ATXN2: variants seen among roughly 807,000 people sequenced by gnomAD.
The protein encoded by ATXN2 is ataxin-2.
Under a neutral mutation model 138.6 loss-of-function variants are expected in ATXN2, and 37 were observed. The ratio of observed to expected loss-of-function variants is 0.27; its 90% CI spans 0.21 to 0.35. ATXN2 has a LOEUF of 0.35. Among genes scored for constraint, ATXN2 ranks in the 10% least tolerant of loss-of-function variants. The pLI is 1.00. For synonymous variants in ATXN2, 549 were observed against 543.7 expected, an observed-to-expected ratio of 1.01 and a Z score of -0.13; for missense variants, 1,216 against 1,480.3, an observed-to-expected ratio of 0.82 and a Z score of 2.93.
chr12:111,588,991 C>CAAAA (rs58116265), intron 1 of ATXN2, among the ~76,000 whole-genome samples: 5,941 of 38,716 alleles, frequency 0.15, 1,905 homozygotes, highest in Non-Finnish European at 0.26. Context: ...CGAGATTTCT[C>CAAAA]AAAAAAAAAA....
At chr12:111,588,566 G>C (rs1367144180) in intron 1 of ATXN2, among the ~76,000 whole-genome samples, 1 of 151,510 alleles carries the variant, frequency 6.6e-6, no homozygotes, top group Non-Finnish European at 1.5e-5. Context: ...AGGTTGCAAT[G>C]AGCCGAGATC....
At chr12:111,556,047 T>G (rs1429283255) in intron 1 of ATXN2, 128 bp from the exon 2 acceptor site, 7 of 762,266 alleles carry the variant, frequency 9.2e-6, no homozygotes, top group South Asian at 2.0e-5. Context: ...TCACCTAATA[T>G]TAAGTCTAAA....
At chr12:111,554,364 C>A in intron 2 of ATXN2, 147 bp from the exon 3 acceptor site, 1 of 487,284 alleles carries the variant, frequency 2.1e-6, no homozygotes. Context: ...CTTGAACATC[C>A]CTAATTCAAA....
chr12:111,526,833 C>A (rs973527308), intron 5 of ATXN2, among the ~76,000 whole-genome samples: 1 of 152,190 alleles, frequency 6.6e-6, no homozygotes, highest in East Asian at 1.9e-4. Context: ...AATATCCCAG[C>A]AAACTCTTGC....
At chr12:111,521,504 C>CTAGG (rs1391560769) in intron 6 of ATXN2, among the ~76,000 whole-genome samples, 1 of 152,196 alleles carries the variant, frequency 6.6e-6, no homozygotes, top group Non-Finnish European at 1.5e-5. Context: ...GACTATGGTA[C>CTAGG]TAGGTCCCTG....
At chr12:111,568,153 C>G (rs1399965929) in intron 1 of ATXN2, among the ~76,000 whole-genome samples, 1 of 151,972 alleles carries the variant, frequency 6.6e-6, no homozygotes, top group Non-Finnish European at 1.5e-5. Context: ...CCCAGCTACT[C>G]AGGAGGCTGA....
Position 111,525,321 on chromosome 12 carries a change from A to G in ATXN2, c.572-5T>C, listed in dbSNP as rs1566042798. 3 of 1,569,182 alleles carry G rather than the reference A, an allele frequency of 1.9e-6. No homozygotes were observed. Among genetic ancestry groups the G allele is most frequent in the Non-Finnish European group, 2.6e-6 (3 of 1,161,772 alleles). ...TAGCAGAGTCAGTAAAAGCATCTGC[A>G]AAGAATGGTTTTGGTTGAAAGTTTA... is the stretch of plus-strand genomic sequence containing the variant. On this transcript the variant is annotated splice_region_variant and splice_polypyrimidine_tract_variant and intron_variant, in intron 5 of 24. Coordinates refer to ENST00000673436, the MANE Select transcript of ATXN2 (RefSeq NM_001372574.1).
intron 21 of ATXN2, among the ~76,000 whole-genome samples, chr12:111,462,569 C>G (rs1294056117): frequency 6.6e-6 from 1 of 152,214 alleles, no homozygotes; most frequent in Non-Finnish European, 1.5e-5. Flanking sequence ...ACCAAACCAT[C>G]ATAAAATGGC....
intron 5 of ATXN2, among the ~76,000 whole-genome samples, chr12:111,534,453 T>C (rs1165601958): frequency 6.6e-6 from 1 of 152,068 alleles, no homozygotes; most frequent in Non-Finnish European, 1.5e-5. Flanking sequence ...GGAATATATA[T>C]ATGTTGAACA....
chr12:111,532,165 C>A (rs917547594), intron 5 of ATXN2, among the ~76,000 whole-genome samples: 2 of 150,680 alleles, frequency 1.3e-5, no homozygotes, highest in Non-Finnish European at 2.9e-5. Context: ...AGAGCGGATA[C>A]CATATCAAGA....
intron 1 of ATXN2, among the ~76,000 whole-genome samples, chr12:111,579,822 C>T (rs557900508): frequency 2.0e-5 from 3 of 151,900 alleles, no homozygotes; most frequent in South Asian, 4.2e-4. Context: ...TCTCAGCCCC[C>T]CCGAGTAGCT....
At chr12:111,530,892 G>A (rs988567690) in intron 5 of ATXN2, among the ~76,000 whole-genome samples, 2 of 152,288 alleles carry the variant, frequency 1.3e-5, no homozygotes, top group African/African-American at 2.4e-5. Context: ...TTGGGAGGCC[G>A]AGGCGGGCGG....
chr12:111,452,674 T>G lies in ATXN2; in HGVS notation c.*138A>C. Reference sequence around the variant, plus strand: ...TCCACTGCAAGTGAACTGTTAGCATTCCTATTGGATGTTACAAGAAATCAA... The same window carrying G: ...TCCACTGCAAGTGAACTGTTAGCATGCCTATTGGATGTTACAAGAAATCAA... On this transcript the variant is annotated 3_prime_UTR_variant, in exon 25 of 25. Transcript: ENST00000673436. 2.0e-6 allele frequency: 2 copies of G among 1,008,984 alleles called. 1 individual carries two copies. The highest frequency in any genetic ancestry group is 2.8e-5 in the South Asian group (2 of 72,454). The allele number at this position is 1,008,984 out of a possible 1,614,324, so 62.5% of individuals were successfully genotyped here.
intron 1 of ATXN2, among the ~76,000 whole-genome samples, chr12:111,561,790 C>T (rs1335234355): frequency 6.6e-6 from 1 of 151,940 alleles, no homozygotes; most frequent in Non-Finnish European, 1.5e-5. Flanking sequence ...TGCAATGCAG[C>T]CTGGGTGACA....
intron 18 of ATXN2, among the ~76,000 whole-genome samples, chr12:111,484,084 G>A (rs529277842): frequency 2.2e-4 from 33 of 152,144 alleles, no homozygotes; most frequent in African/African-American, 6.3e-4. Flanking sequence ...AAGCCTAGCC[G>A]AAACATCCTT....
intron 1 of ATXN2, among the ~76,000 whole-genome samples, chr12:111,576,665 T>C (rs1883668664): frequency 6.6e-6 from 1 of 151,488 alleles, no homozygotes; most frequent in African/African-American, 2.4e-5. Flanking sequence ...GTATTTGTAA[T>C]AAACACAGGG....
intron 5 of ATXN2, among the ~76,000 whole-genome samples, chr12:111,549,689 A>G (rs1177561381): frequency 1.3e-5 from 2 of 152,218 alleles, no homozygotes; most frequent in East Asian, 3.8e-4. Flanking sequence ...CTGATGTCCT[A>G]AACACATGAC....
At chr12:111,554,123 C>A in intron 3 of ATXN2, 35 bp downstream of exon 3, 1 of 1,349,892 alleles carries the variant, frequency 7.4e-7, no homozygotes, top group South Asian at 1.4e-5. Flanking sequence ...ATTCTACCCC[C>A]AAGGCAGTTT....
chr12:111,521,948 C>A (rs1880181252), intron 6 of ATXN2, among the ~76,000 whole-genome samples: 1 of 152,152 alleles, frequency 6.6e-6, no homozygotes, highest in South Asian at 2.1e-4. Context: ...AATGTTTCAA[C>A]TCCTTTTTTA....
Sources: gnomAD v4.1 joint callset for allele counts (sites outside exome capture counted in the v4.1 genomes callset) on GRCh38, gnomAD v4.1.1 for gene constraint, MANE v1.5 for transcripts, NCBI Gene and HGNC (gene_info 2026-07-23, HGNC 2026-07-21) for gene names.